The following ZNF177 variants were observed in gnomAD, a reference collection of about 807,000 sequenced individuals.
The protein encoded by ZNF177 is zinc finger protein 177.
Under a neutral mutation model 19.4 loss-of-function variants are expected in ZNF177, and 17 were observed. That is an observed-to-expected ratio of 0.87 (90% CI 0.60 to 1.31). ZNF177 has a LOEUF of 1.31. Among genes scored for constraint, ZNF177 ranks in the 40% most tolerant of loss-of-function variants. ZNF177 has a pLI of 0.00. For missense variants in ZNF177, 633 were observed against 561.8 expected (o/e 1.13, Z -1.28); for synonymous variants, 220 against 188.7 (o/e 1.17, Z -1.36).
At chr19:9,381,248 A>G (rs2068195751) in exon 6 of ZNF177, 1 of 1,614,046 alleles carries the variant, frequency 6.2e-7, no homozygotes, top group African/African-American at 1.3e-5. Context: ...ATGAGATCTC[A>G]TACTGGAGAG....
At chr19:9,382,609 A>C (rs981252458), downstream of ZNF177, 9 of 388,698 alleles carry the variant, frequency 2.3e-5, no homozygotes, top group Admixed American at 8.9e-5. Context: ...AGTTTTAGGA[A>C]TCGTTCAAGT....
intron 2 of ZNF177, among the ~76,000 whole-genome samples, chr19:9,367,156 T>TAA (rs1035292692): frequency 3.9e-5 from 6 of 151,988 alleles, no homozygotes; most frequent in African/African-American, 1.4e-4. Context: ...CCGTCTCTAC[T>TAA]AAAAATACAA....
chr19:9,370,277 T>C (rs1362268642), intron 2 of ZNF177, among the ~76,000 whole-genome samples: 1 of 152,186 alleles, frequency 6.6e-6, no homozygotes, highest in African/African-American at 2.4e-5. Flanking sequence ...TTATATAAAA[T>C]AGCATTGTAT....
At chr19:9,365,480 T>C (rs1272491628) in intron 2 of ZNF177, among the ~76,000 whole-genome samples, 3 of 151,846 alleles carry the variant, frequency 2.0e-5, no homozygotes, top group Non-Finnish European at 4.4e-5. Flanking sequence ...TCAGGGGTTC[T>C]TGACCCCCAG....
chr19:9,372,524 A>G (rs1599387532), upstream of ZNF177, among the ~76,000 whole-genome samples: 1 of 125,360 alleles, frequency 8.0e-6, no homozygotes, highest in East Asian at 2.2e-4. Flanking sequence ...TCCTTTCATC[A>G]TTGAGCTTTC....
At chr19:9,379,766 T>C (rs17265697) in intron 4 of ZNF177, 147 bp downstream of exon 6, 68,985 of 1,009,358 alleles carry the variant, frequency 0.068, 2,678 homozygotes, top group Middle Eastern at 0.094. Context: ...ATACGTTCAT[T>C]TGGTCTCCGA....
chr19:9,363,699 G>C (rs931616531), intron 1 of ZNF177, among the ~76,000 whole-genome samples: 2 of 152,212 alleles, frequency 1.3e-5, no homozygotes, highest in Non-Finnish European at 2.9e-5. Context: ...CCCTCAGGGT[G>C]TGTTTTGTAT....
rs111241765 is a variant in ZNF177, at chr19:9,378,364, A to G, written c.33+20A>G. The G allele has an allele frequency of 3.0e-5, 49 of 1,613,324 alleles. No individual in the cohort carries two copies. The highest frequency in any genetic ancestry group is 1.6e-4 in the Middle Eastern group (1 of 6,062). ...TCACAGGTACACAAGAAATTTCTCT[A>G]TTTCCAAAAGCACACTGCCATTCCT... On this transcript the variant is annotated intron_variant, in intron 2 of 5. Transcript: ENST00000589262.
At chr19:9,364,234 T>C (rs935812300) in intron 1 of ZNF177, among the ~76,000 whole-genome samples, 5 of 152,190 alleles carry the variant, frequency 3.3e-5, no homozygotes, top group African/African-American at 1.2e-4. Flanking sequence ...AACAACACTC[T>C]TCATTTAAGA....
intron 2 of ZNF177, among the ~76,000 whole-genome samples, chr19:9,366,565 C>T (rs1445828122): frequency 1.3e-5 from 2 of 152,174 alleles, no homozygotes; most frequent in African/African-American, 2.4e-5. Context: ...CCTTCATTTT[C>T]TATTGTCAAA....
chr19:9,379,576 G>C (rs774491205), exon 4 of ZNF177: 1 of 1,613,996 alleles, frequency 6.2e-7, no homozygotes, highest in South Asian at 1.1e-5. Context: ...ATCAAGAACA[G>C]CTGAAGACAG....
At chr19:9,377,786 G>A (rs75208870) in intron 1 of ZNF177, among the ~76,000 whole-genome samples, 1,580 of 152,194 alleles carry the variant, frequency 0.01, 12 homozygotes, top group South Asian at 0.028. Context: ...TGGTCCTTAT[G>A]AGTTACTCCT....
chr19:9,374,023 A>C (rs2122525735), upstream of ZNF177, among the ~76,000 whole-genome samples: 1 of 152,194 alleles, frequency 6.6e-6, no homozygotes, highest in South Asian at 2.1e-4. Flanking sequence ...CTGTTCTAGA[A>C]GTTTTATGAT....
chr19:9,380,507 A>C (rs2068179218), intron 5 of ZNF177, 161 bp from the exon 8 acceptor site: 1 of 1,430,434 alleles, frequency 7.0e-7, no homozygotes, highest in East Asian at 2.5e-5. Context: ...AACTCGAAAA[A>C]GCTAATAGGG....
At chr19:9,369,543 A>G (rs936652261) in intron 2 of ZNF177, among the ~76,000 whole-genome samples, 9 of 152,268 alleles carry the variant, frequency 5.9e-5, no homozygotes, top group African/African-American at 2.2e-4. Flanking sequence ...TTAATCTACC[A>G]GGACAGTCTG....
chr19:9,380,613 TGAA>T (rs1406996250), intron 5 of ZNF177, 52 bp from the exon 8 acceptor site: 36 of 1,535,754 alleles, frequency 2.3e-5, no homozygotes, highest in Non-Finnish European at 3.0e-5. Context: ...AGAATTCCTG[TGAA>T]TAAGGTGAAA....
exon 2 of ZNF177, chr19:9,378,332 A>C: frequency 2.5e-6 from 4 of 1,613,722 alleles, no homozygotes; most frequent in Non-Finnish European, 3.4e-6. Context: ...GGTGGCTGAC[A>C]ACCTGGTCAC....
intron 2 of ZNF177, among the ~76,000 whole-genome samples, chr19:9,367,211 T>C (rs925547451): frequency 1.3e-5 from 2 of 152,002 alleles, no homozygotes; most frequent in Non-Finnish European, 2.9e-5. Context: ...TCCCAGCTAC[T>C]TGGGAGGCTG....
intron 1 of ZNF177, among the ~76,000 whole-genome samples, chr19:9,376,921 T>C (rs1475643983): frequency 6.6e-6 from 1 of 152,174 alleles, no homozygotes; most frequent in East Asian, 1.9e-4. Context: ...TCTTTTAAGC[T>C]GAAGAATTTA....
Sources: gnomAD v4.1 joint callset for allele counts (sites outside exome capture counted in the v4.1 genomes callset) on GRCh38, gnomAD v4.1.1 for gene constraint, MANE v1.5 for transcripts, NCBI Gene and HGNC (gene_info 2026-07-23, HGNC 2026-07-21) for gene names.